CHST11: variants seen among roughly 807,000 people sequenced by gnomAD.
The protein encoded by CHST11 is carbohydrate sulfotransferase 11.
Under a neutral mutation model 30.4 loss-of-function variants are expected in CHST11, and 9 were observed. That is an observed-to-expected ratio of 0.30 (90% CI 0.18 to 0.52). The LOEUF is 0.52. Ranked by LOEUF, CHST11 falls within the 20% of genes least tolerant of loss-of-function variation. The pLI, the probability that CHST11 is intolerant of heterozygous loss-of-function variation, is 0.97. For missense variants in CHST11, 348 were observed against 460.6 expected (o/e 0.76, Z 2.24); for synonymous variants, 152 against 187.8 (o/e 0.81, Z 1.56).
intron 2 of CHST11, among the ~76,000 whole-genome samples, chr12:104,698,784 T>G (rs1172558880): frequency 1.3e-5 from 2 of 152,268 alleles, no homozygotes; most frequent in Non-Finnish European, 2.9e-5. Context: ...ACATAGCATG[T>G]GCAAATGAAT....
intron 2 of CHST11, among the ~76,000 whole-genome samples, chr12:104,610,089 G>GTGTC (rs1555236217): frequency 1.1e-4 from 12 of 107,956 alleles, no homozygotes; most frequent in African/African-American, 4.4e-4. Flanking sequence ...GTGTGTGTGT[G>GTGTC]TGTGTGTCTG....
In CHST11 at chr12:104,458,989, C is replaced by T. The variant is rs112368873; in HGVS notation, c.118+1460C>T. 6.5e-3 allele frequency among the ~76,000 whole-genome samples: 994 copies of T among 152,320 alleles called. 8 individuals are homozygous for T. Among genetic ancestry groups the T allele is most frequent in the Non-Finnish European group, 7.8e-3 (533 of 68,030 alleles). On this transcript the variant is annotated intron_variant, in intron 1 of 2. Coordinates refer to ENST00000303694, the MANE Select transcript of CHST11 (RefSeq NM_018413.6). This position sits in a 1 kb window ranked among gnomAD's most constrained non-coding sequence, Gnocchi z 5.7. Reference sequence around the variant, plus strand: ...GCAGGGACAGACGGCCCCTTTGCCCCACTCGGTCTGGAGCAGTTGTTAAGG... The same window carrying T: ...GCAGGGACAGACGGCCCCTTTGCCCTACTCGGTCTGGAGCAGTTGTTAAGG...
intron 1 of CHST11, among the ~76,000 whole-genome samples, chr12:104,573,211 G>C (rs895471605): frequency 6.6e-6 from 1 of 152,096 alleles, no homozygotes; most frequent in Non-Finnish European, 1.5e-5. Flanking sequence ...AATAAAAGAG[G>C]ATACAAACAA....
chr12:104,470,833 C>T (rs2037501937), intron 1 of CHST11, among the ~76,000 whole-genome samples: 2 of 152,208 alleles, frequency 1.3e-5, no homozygotes, highest in East Asian at 3.8e-4. Flanking sequence ...ACACTGTACT[C>T]TTCACCTCAC....
At chr12:104,525,913 G>T (rs1474075140) in intron 1 of CHST11, among the ~76,000 whole-genome samples, 2 of 150,134 alleles carry the variant, frequency 1.3e-5, no homozygotes, top group African/African-American at 4.9e-5. Flanking sequence ...AAGGATTGGT[G>T]GGAAACGTTT....
chr12:104,483,082 C>G (rs1475981275), intron 1 of CHST11, among the ~76,000 whole-genome samples: 2 of 152,156 alleles, frequency 1.3e-5, no homozygotes, highest in African/African-American at 4.8e-5. Context: ...CCTCCTGGTG[C>G]AATATCTCCA....
intron 1 of CHST11, among the ~76,000 whole-genome samples, chr12:104,526,297 A>G (rs532619089): frequency 1.3e-5 from 2 of 152,232 alleles, no homozygotes; most frequent in Admixed American, 6.5e-5. Flanking sequence ...GTAGTTCTAC[A>G]TACTGTTTAT....
intron 1 of CHST11, among the ~76,000 whole-genome samples, chr12:104,532,295 T>G (rs973790959): frequency 1.3e-5 from 2 of 152,130 alleles, no homozygotes; most frequent in African/African-American, 2.4e-5. Context: ...AAGGTCTAGT[T>G]CACAGCCCTT....
At chr12:104,632,959 T>G (rs2039285509) in intron 2 of CHST11, among the ~76,000 whole-genome samples, 1 of 152,266 alleles carries the variant, frequency 6.6e-6, no homozygotes, top group Non-Finnish European at 1.5e-5. Flanking sequence ...CTTGTGGTTC[T>G]CAGGGGCCCT....
At chr12:104,661,401 C>CTAA (rs1566027431) in intron 2 of CHST11, among the ~76,000 whole-genome samples, 4 of 151,858 alleles carry the variant, frequency 2.6e-5, no homozygotes, top group South Asian at 2.1e-4. Context: ...ACTACTACTA[C>CTAA]TACTAATAAT....
intron 1 of CHST11, among the ~76,000 whole-genome samples, chr12:104,460,009 T>C (rs3751322): frequency 0.24 from 36,318 of 152,228 alleles, 6,024 homozygotes; most frequent in African/African-American, 0.48. Flanking sequence ...CTTTCAAATC[T>C]ACATTAAACA....
chr12:104,504,746 C>T (rs2037886889), intron 1 of CHST11, among the ~76,000 whole-genome samples: 1 of 151,972 alleles, frequency 6.6e-6, no homozygotes, highest in Non-Finnish European at 1.5e-5. Context: ...TGGGGTGATC[C>T]CTTGAGCCCA....
intron 2 of CHST11, among the ~76,000 whole-genome samples, chr12:104,602,730 C>T (rs902225690): frequency 2.0e-5 from 3 of 152,158 alleles, no homozygotes; most frequent in African/African-American, 7.2e-5. Context: ...AAGTGAACAA[C>T]TAGCAGCAGC....
intron 2 of CHST11, among the ~76,000 whole-genome samples, chr12:104,618,501 C>T (rs2039130734): frequency 6.6e-6 from 1 of 152,136 alleles, no homozygotes; most frequent in South Asian, 2.1e-4. Flanking sequence ...TCCCAAAGTG[C>T]TGGGATTATT....
intron 1 of CHST11, among the ~76,000 whole-genome samples, chr12:104,565,195 C>T (rs553954857): frequency 1.3e-5 from 2 of 151,518 alleles, no homozygotes; most frequent in African/African-American, 4.8e-5. Context: ...CTGTATCTAC[C>T]TCTGAATTCC....
intron 2 of CHST11, among the ~76,000 whole-genome samples, chr12:104,626,028 C>G (rs891027768): frequency 6.6e-6 from 1 of 152,094 alleles, no homozygotes; most frequent in South Asian, 2.1e-4. Context: ...ATGAGGAAAT[C>G]GAGGCCCAGT....
intron 1 of CHST11, among the ~76,000 whole-genome samples, chr12:104,599,593 T>C (rs188003016): frequency 7.7e-4 from 118 of 152,360 alleles, no homozygotes; most frequent in African/African-American, 2.7e-3. Flanking sequence ...ATAGAATTTT[T>C]TTCCGTCTTC....
chr12:104,485,977 C>T (rs2037673593), intron 1 of CHST11, among the ~76,000 whole-genome samples: 4 of 152,194 alleles, frequency 2.6e-5, no homozygotes, highest in Admixed American at 2.6e-4. Flanking sequence ...AGTCATCGCA[C>T]CATTCTGTGT....
chr12:104,644,738 G>T (rs1381064554), intron 2 of CHST11, among the ~76,000 whole-genome samples: 1 of 152,220 alleles, frequency 6.6e-6, no homozygotes, highest in Non-Finnish European at 1.5e-5. Flanking sequence ...ACCAGTGTAG[G>T]TAGGGGAAGA....
Sources: allele counts gnomAD v4.1 joint callset (sites outside exome capture counted in the v4.1 genomes callset), GRCh38; gene constraint gnomAD v4.1.1; non-coding constraint Gnocchi (gnomAD v3.1); transcripts MANE v1.5; gene names NCBI Gene and HGNC (gene_info 2026-07-23, HGNC 2026-07-21).